The following CTNNA2 variants were observed in gnomAD, a reference collection of about 807,000 sequenced individuals.
CTNNA2 encodes the protein catenin alpha-2.
In CTNNA2, 42 loss-of-function variants were observed where a neutral mutation model predicts 101.0. The observed-to-expected ratio is 0.42, with a 90% CI of 0.32 to 0.54. The LOEUF is 0.54. Among genes scored for constraint, CTNNA2 ranks in the 20% least tolerant of loss-of-function variants. CTNNA2 has a pLI of 0.14. For missense variants in CTNNA2, 871 were observed against 1,223.1 expected, an observed-to-expected ratio of 0.71 and a Z score of 4.29; for synonymous variants, 450 against 456.4, an observed-to-expected ratio of 0.99 and a Z score of 0.18.
chr2:80,306,287 GC>G (rs556270679), intron 7 of CTNNA2, among the ~76,000 whole-genome samples: 4 of 152,094 alleles, frequency 2.6e-5, no homozygotes, highest in Non-Finnish European at 5.9e-5. Flanking sequence ...CCTTAATTTT[GC>G]ACGTGACTAA....
intron 2 of CTNNA2, among the ~76,000 whole-genome samples, chr2:79,218,922 G>A (rs1175468569): frequency 2.0e-5 from 3 of 152,068 alleles, no homozygotes; most frequent in Non-Finnish European, 4.4e-5. Flanking sequence ...ATAAAGGAAA[G>A]TTCTAAAAGG....
intron 5 of CTNNA2, 138 bp downstream of exon 5, chr2:79,870,073 T>G: frequency 1.8e-6 from 2 of 1,142,768 alleles, no homozygotes; most frequent in Non-Finnish European, 2.5e-6. Flanking sequence ...CAAAGGTTGC[T>G]TCCTGCAGGG....
chr2:79,354,009 T>C (rs1172826604), intron 3 of CTNNA2, among the ~76,000 whole-genome samples: 1 of 152,176 alleles, frequency 6.6e-6, no homozygotes, highest in Non-Finnish European at 1.5e-5. Context: ...CCCCAGTCTA[T>C]TCTGGCTTGA....
intron 3 of CTNNA2, among the ~76,000 whole-genome samples, chr2:79,807,066 T>G (rs1387204093): frequency 6.6e-6 from 1 of 152,122 alleles, no homozygotes; most frequent in African/African-American, 2.4e-5. Context: ...TCTCCTTCAC[T>G]CTTACACTTC....
intron 4 of CTNNA2, among the ~76,000 whole-genome samples, chr2:79,467,008 T>C (rs1404091093): frequency 6.6e-6 from 1 of 152,106 alleles, no homozygotes; most frequent in Non-Finnish European, 1.5e-5. Flanking sequence ...TCGCTAACAA[T>C]GGAACAAAGC....
chr2:79,799,077 C>T (rs1404852064), intron 3 of CTNNA2, among the ~76,000 whole-genome samples: 1 of 152,082 alleles, frequency 6.6e-6, no homozygotes, highest in Non-Finnish European at 1.5e-5. Flanking sequence ...ATCCAGGACC[C>T]AAGGGATACT....
chr2:80,373,609 T>G (rs186957539), intron 7 of CTNNA2, among the ~76,000 whole-genome samples: 8 of 152,314 alleles, frequency 5.3e-5, no homozygotes, highest in African/African-American at 1.7e-4. Context: ...GTGGCTTTAC[T>G]TTGCTTTATT....
intron 2 of CTNNA2, among the ~76,000 whole-genome samples, chr2:79,233,417 C>T (rs899262246): frequency 6.6e-6 from 1 of 152,168 alleles, no homozygotes. Context: ...TCCAAGAGCA[C>T]ACTTGGTATG....
chr2:79,686,211 A>G (rs1324008658), intron 2 of CTNNA2, among the ~76,000 whole-genome samples: 1 of 152,182 alleles, frequency 6.6e-6, no homozygotes, highest in Non-Finnish European at 1.5e-5. Flanking sequence ...ATCATGCTTT[A>G]CTGAAAGCTA....
chr2:79,311,688 C>G (rs1353389351), intron 2 of CTNNA2, among the ~76,000 whole-genome samples: 1 of 152,062 alleles, frequency 6.6e-6, no homozygotes, highest in African/African-American at 2.4e-5. Flanking sequence ...TACAAACCCC[C>G]ACTCGGTGCT....
chr2:80,479,519 A>G, intron 9 of CTNNA2, among the ~76,000 whole-genome samples: 1 of 152,168 alleles, frequency 6.6e-6, no homozygotes, highest in East Asian at 1.9e-4. Context: ...AAGACAAAGG[A>G]AAGACCTAAT....
chr2:80,621,526 T>C (rs1402767507), intron 18 of CTNNA2, among the ~76,000 whole-genome samples: 2 of 151,960 alleles, frequency 1.3e-5, no homozygotes, highest in Non-Finnish European at 2.9e-5. Flanking sequence ...GCAGAATCCA[T>C]GATAGGTAGC....
chr2:79,955,160 G>C (rs762630861), intron 7 of CTNNA2, among the ~76,000 whole-genome samples: 1 of 152,142 alleles, frequency 6.6e-6, no homozygotes, highest in Non-Finnish European at 1.5e-5. Flanking sequence ...GCAGTATGAC[G>C]TATTAAATAT....
At chr2:80,464,238 A>G (rs936938085) in intron 9 of CTNNA2, among the ~76,000 whole-genome samples, 2 of 152,204 alleles carry the variant, frequency 1.3e-5, no homozygotes, top group Non-Finnish European at 2.9e-5. Flanking sequence ...TGTCTTCAAT[A>G]TAATGGAGAT....
intron 7 of CTNNA2, among the ~76,000 whole-genome samples, chr2:80,240,625 C>T (rs4146076): frequency 2.0e-5 from 3 of 151,884 alleles, no homozygotes; most frequent in Non-Finnish European, 4.4e-5. Context: ...CATTAATAAC[C>T]CCGGGAAAAA....
At chr2:79,512,058 T>C (rs1047901945), upstream of CTNNA2, among the ~76,000 whole-genome samples, 1 of 152,192 alleles carries the variant, frequency 6.6e-6, no homozygotes, top group African/African-American at 2.4e-5. Flanking sequence ...TAACTTATAT[T>C]TCTCATCTGA....
At chr2:80,246,676 G>T (rs1443903308) in intron 7 of CTNNA2, among the ~76,000 whole-genome samples, 2 of 152,190 alleles carry the variant, frequency 1.3e-5, no homozygotes, top group South Asian at 2.1e-4. Context: ...GCTCTCTACA[G>T]CTCACTGAGC....
chr2:80,333,611 C>T (rs1480190286), intron 7 of CTNNA2, among the ~76,000 whole-genome samples: 1 of 152,128 alleles, frequency 6.6e-6, no homozygotes, highest in Non-Finnish European at 1.5e-5. Context: ...AAGCCAGCCA[C>T]CACCTTTTTT....
chr2:79,990,549 C>G (rs116680906), intron 7 of CTNNA2, among the ~76,000 whole-genome samples: 32 of 152,290 alleles, frequency 2.1e-4, no homozygotes, highest in African/African-American at 7.5e-4. Context: ...CCTGTCTATG[C>G]TTCAGTTTCT....
Sources: allele counts gnomAD v4.1 joint callset (sites outside exome capture counted in the v4.1 genomes callset), GRCh38; gene constraint gnomAD v4.1.1; transcripts MANE v1.5; gene names NCBI Gene and HGNC (gene_info 2026-07-23, HGNC 2026-07-21).